SAR1B: variants seen among roughly 807,000 people sequenced by gnomAD.
The protein encoded by SAR1B is small COPII coat GTPase SAR1B.
Under a neutral mutation model 26.8 loss-of-function variants are expected in SAR1B, and 23 were observed. That is an observed-to-expected ratio of 0.86 (90% CI 0.62 to 1.22). The LOEUF (loss-of-function observed/expected upper bound fraction) is 1.22, where lower values mean the gene tolerates loss of function less well. SAR1B is among the 50% of genes most tolerant of loss of function. The probability of loss-of-function intolerance (pLI) is 0.00; values close to 1 mark genes in which losing one functional copy is unlikely to be tolerated. For missense variants in SAR1B, 196 were observed against 232.8 expected, an observed-to-expected ratio of 0.84 and a Z score of 1.03; for synonymous variants, 65 against 80.8, an observed-to-expected ratio of 0.80 and a Z score of 1.05.
chr5:134,623,648 C>A (rs1765450164), intron 2 of SAR1B, among the ~76,000 whole-genome samples: 1 of 151,834 alleles, frequency 6.6e-6, no homozygotes, highest in African/African-American at 2.4e-5. Flanking sequence ...AGCATTAAAG[C>A]ATATAGGTAA....
At chr5:134,611,683 A>G (rs567360164) in intron 4 of SAR1B, among the ~76,000 whole-genome samples, 1 of 152,206 alleles carries the variant, frequency 6.6e-6, no homozygotes, top group African/African-American at 2.4e-5. Flanking sequence ...ACTAAGTGCT[A>G]TGAAGTATAG....
intron 3 of SAR1B, among the ~76,000 whole-genome samples, chr5:134,615,816 C>CA (rs1190858433): frequency 6.6e-5 from 10 of 150,736 alleles, no homozygotes; most frequent in African/African-American, 2.4e-4. Flanking sequence ...GACTCCGTCT[C>CA]AAAAAATAAC....
chr5:134,632,058 G>C (rs2084006), intron 1 of SAR1B: 150,680 of 152,270 alleles, frequency 0.99, 74,577 homozygotes, highest in Middle Eastern at 1. Flanking sequence ...AAAAATTAGC[G>C]GTGCGTGGTG....
intron 3 of SAR1B, among the ~76,000 whole-genome samples, chr5:134,617,163 T>G (rs1322587316): frequency 6.6e-6 from 1 of 151,956 alleles, no homozygotes; most frequent in African/African-American, 2.4e-5. Context: ...ACCTGGGAGG[T>G]TGAGGCTGCA....
intron 1 of SAR1B, among the ~76,000 whole-genome samples, chr5:134,627,827 A>C (rs1364352579): frequency 6.8e-6 from 1 of 147,310 alleles, no homozygotes; most frequent in Non-Finnish European, 1.5e-5. Context: ...TAAATAAATA[A>C]ATAAATAAAT....
At chr5:134,615,770 T>C (rs956475370) in intron 3 of SAR1B, among the ~76,000 whole-genome samples, 12 of 151,648 alleles carry the variant, frequency 7.9e-5, no homozygotes, top group African/African-American at 2.9e-4. Flanking sequence ...TGAGCCGAGA[T>C]TGCACCACTG....
At chr5:134,625,456 A>G (rs966855230) in intron 1 of SAR1B, among the ~76,000 whole-genome samples, 2 of 152,192 alleles carry the variant, frequency 1.3e-5, no homozygotes, top group Non-Finnish European at 2.9e-5. Context: ...TGAGTGGACA[A>G]AGGTAAAGAA....
At chr5:134,629,527 T>C (rs1438063640) in intron 1 of SAR1B, among the ~76,000 whole-genome samples, 1 of 151,928 alleles carries the variant, frequency 6.6e-6, no homozygotes, top group African/African-American at 2.4e-5. Context: ...TAAAACACCT[T>C]CTCTACTAAA....
chr5:134,612,424 A>G (rs1765228543), intron 4 of SAR1B, among the ~76,000 whole-genome samples: 1 of 152,110 alleles, frequency 6.6e-6, no homozygotes, highest in Non-Finnish European at 1.5e-5. Flanking sequence ...AAAATAAAAC[A>G]AAGTGACTGT....
chr5:134,630,530 C>T (rs931626652), intron 1 of SAR1B, among the ~76,000 whole-genome samples: 5 of 150,570 alleles, frequency 3.3e-5, no homozygotes, highest in Middle Eastern at 3.5e-3. Flanking sequence ...CGCCTGTAAT[C>T]CAAGCACTTT....
At chr5:134,632,553 A>G (rs1765626974) in intron 1 of SAR1B, among the ~76,000 whole-genome samples, 175 bp downstream of exon 1, 1 of 152,222 alleles carries the variant, frequency 6.6e-6, no homozygotes, top group Admixed American at 6.5e-5. Context: ...CCCGCGGAGC[A>G]TGGATGAGAC....
At position 134,605,735 on chromosome 5, in the gene SAR1B, TAAG is replaced by T. The variant is rs1234960383; in HGVS notation, c.*1212_*1214del. On this transcript the variant is annotated 3_prime_UTR_variant, in exon 7 of 7. Coordinates refer to ENST00000402673, the MANE Select transcript of SAR1B (RefSeq NM_016103.4). The stretch of plus-strand genomic sequence containing the variant: ...GGAGTAAGAACTACCTGAGAGCAAA[TAAG>T]AAAAAAGAAAATTGGAAACAAGCAC... 1 of 114,276 alleles carries T rather than the reference TAAG, an allele frequency of 8.8e-6. No homozygotes were observed. Among genetic ancestry groups the T allele is most frequent in the African/African-American group, 3.4e-5 (1 of 29,480 alleles). The allele number at this position is 114,276 out of a possible 1,614,324, so 7.1% of individuals were successfully genotyped here.
chr5:134,611,968 G>C (rs527564847), intron 4 of SAR1B, among the ~76,000 whole-genome samples: 3 of 152,256 alleles, frequency 2.0e-5, no homozygotes, highest in Admixed American at 6.5e-5. Context: ...TTGGAGACAA[G>C]CCTGGGCAAC....
chr5:134,631,515 C>T (rs986193660), intron 1 of SAR1B: 1 of 152,130 alleles, frequency 6.6e-6, no homozygotes, highest in African/African-American at 2.4e-5. Context: ...TTCAATGTGA[C>T]CTACTCTTCA....
In SAR1B at chr5:134,603,506, C is replaced by T. The variant is rs369876637; in HGVS notation, c.*3444G>A. On this transcript the variant is annotated 3_prime_UTR_variant, in exon 7 of 7. Coordinates refer to ENST00000402673, the MANE Select transcript of SAR1B (RefSeq NM_016103.4). ...GCTTTCCATCACTATAAAGTATGGG[C>T]CAGTTGAAAATTGGCCGGGCATGGC... 7.2e-5 allele frequency: 11 copies of T among 152,296 alleles called. No homozygotes were observed. The highest frequency in any genetic ancestry group is 2.6e-4 in the African/African-American group (11 of 41,554). The allele number at this position is 152,296 out of a possible 1,614,324, so 9.4% of individuals were successfully genotyped here. A position where few individuals can be genotyped will look rare whatever the true frequency, so the allele number is the denominator to read the frequency against.
At chr5:134,627,658 G>A (rs1765516120) in intron 1 of SAR1B, among the ~76,000 whole-genome samples, 3 of 151,550 alleles carry the variant, frequency 2.0e-5, no homozygotes, top group South Asian at 2.1e-4. Context: ...AATTAGCCGG[G>A]CGTGGTAGTG....
rs1490105939 is a variant in SAR1B, at chr5:134,601,885, A to G, written c.*5065T>C. The G allele has an allele frequency of 6.6e-6, 1 of 152,186 alleles. No individual in the cohort carries two copies. The highest frequency in any genetic ancestry group is 1.5e-5 in the Non-Finnish European group (1 of 68,054). The allele number at this position is 152,186 out of a possible 1,614,324, so 9.4% of individuals were successfully genotyped here. On this transcript the variant is annotated 3_prime_UTR_variant, in exon 7 of 7. Coordinates refer to ENST00000402673, the MANE Select transcript of SAR1B (RefSeq NM_016103.4). Reference sequence around the variant, plus strand: ...ATGGTGAAACCCTGTCTCTACTAACAATACAAATATTAGCCAGCTGTGGTG... The same window carrying G: ...ATGGTGAAACCCTGTCTCTACTAACGATACAAATATTAGCCAGCTGTGGTG...
chr5:134,603,873 G>A lies in SAR1B; in HGVS notation c.*3077C>T, dbSNP rs1181783976. 7 of 152,038 alleles carry A rather than the reference G, an allele frequency of 4.6e-5. No individual in the cohort carries two copies. The highest frequency in any genetic ancestry group is 9.7e-5 in the African/African-American group (4 of 41,418). 9.4% of individuals were successfully genotyped at this position (152,038 alleles called of 1,614,324 possible). On this transcript the variant is annotated 3_prime_UTR_variant, in exon 7 of 7. Coordinates refer to ENST00000402673, the MANE Select transcript of SAR1B (RefSeq NM_016103.4). The stretch of plus-strand genomic sequence containing the variant: ...GGTTGAAAACTAAGAAAGAAACAAC[G>A]TTCTGCTTTTATGCTATAAACCACA...
chr5:134,631,219 T>C (rs574907982), intron 1 of SAR1B, among the ~76,000 whole-genome samples: 1 of 152,300 alleles, frequency 6.6e-6, no homozygotes, highest in East Asian at 1.9e-4. Flanking sequence ...ATATACCTTA[T>C]TTAAACTGCT....
Sources: gnomAD v4.1 joint callset for allele counts (sites outside exome capture counted in the v4.1 genomes callset) on GRCh38, gnomAD v4.1.1 for gene constraint, MANE v1.5 for transcripts, NCBI Gene and HGNC (gene_info 2026-07-23, HGNC 2026-07-21) for gene names.